FRMD8: variants seen among roughly 807,000 people sequenced by gnomAD.
The protein encoded by FRMD8 is FERM domain-containing protein 8.
Under a neutral mutation model 54.2 loss-of-function variants are expected in FRMD8, and 37 were observed. The ratio of observed to expected loss-of-function variants is 0.68; its 90% CI spans 0.53 to 0.90. FRMD8 has a LOEUF of 0.90. Ranked by LOEUF, FRMD8 falls within the 40% of genes least tolerant of loss-of-function variation. The probability of loss-of-function intolerance (pLI) is 0.00; values close to 1 mark genes in which losing one functional copy is unlikely to be tolerated. For missense variants in FRMD8, 585 were observed against 653.7 expected, an observed-to-expected ratio of 0.89 and a Z score of 1.15; for synonymous variants, 246 against 286.9, an observed-to-expected ratio of 0.86 and a Z score of 1.44.
intron 7 of FRMD8, among the ~76,000 whole-genome samples, chr11:65,398,245 G>A (rs952528892): frequency 1.3e-5 from 2 of 152,280 alleles, no homozygotes; most frequent in African/African-American, 2.4e-5. Flanking sequence ...TGATGCTCCC[G>A]CCTCAGCCTC....
chr11:65,368,590 G>C, the FRMD8 span, among the ~76,000 whole-genome samples: 2 of 151,942 alleles, frequency 1.3e-5, no homozygotes, highest in African/African-American at 4.8e-5. Context: ...TTGAGACGGA[G>C]TCTTGCTCTG....
chr11:65,380,288 T>G, the FRMD8 span: 4 of 1,486,480 alleles, frequency 2.7e-6, no homozygotes, highest in Non-Finnish European at 3.7e-6. Context: ...CAGGGCCATC[T>G]CAGACACATG....
chr11:65,379,062 GCTCCCCACAGCTCT>G, the FRMD8 span: 1 of 366,510 alleles, frequency 2.7e-6, no homozygotes, highest in Non-Finnish European at 5.0e-6. Flanking sequence ...TGGGGAGTGG[GCTCCCCACAGCTCT>G]GAGGCTGGCA....
chr11:65,373,843 C>T, the FRMD8 span, among the ~76,000 whole-genome samples: 37 of 152,218 alleles, frequency 2.4e-4, no homozygotes, highest in Admixed American at 2.1e-3. Context: ...CTGCCTCGGC[C>T]TCCTAAAGTG....
chr11:65,405,796 C>G (rs1482763339), intron 10 of FRMD8, among the ~76,000 whole-genome samples: 1 of 151,928 alleles, frequency 6.6e-6, no homozygotes, highest in East Asian at 1.9e-4. Flanking sequence ...AGCCCAGGAG[C>G]TCAAGACCAG....
the FRMD8 span, chr11:65,376,675 C>A: frequency 1.2e-6 from 2 of 1,613,770 alleles, no homozygotes; most frequent in Non-Finnish European, 1.7e-6. Context: ...CGTGGCTGAG[C>A]CTGGGGCAGA....
chr11:65,394,143 T>C, intron 5 of FRMD8, 44 bp downstream of exon 5: 1 of 1,608,020 alleles, frequency 6.2e-7, no homozygotes, highest in Non-Finnish European at 8.5e-7. Context: ...TGGCCCCTTG[T>C]GCCCAGCCTC....
chr11:65,404,739 T>C lies in FRMD8; in HGVS notation c.1072-125T>C, dbSNP rs1423842621. On this transcript the variant is annotated intron_variant, in intron 9 of 10. Transcript: ENST00000317568. The surrounding 1 kb of genome is among the most constrained non-coding windows in gnomAD (Gnocchi z 4.7). The stretch of plus-strand genomic sequence containing the variant: ...ACACCTCCCCTGCCTCCCTGCTCCC[T>C]CCCTCCTGAGTGATGTGTGTCCCCT... The C allele has an allele frequency of 3.9e-6, 3 of 761,904 alleles. No homozygotes were observed. The East Asian group carries it at 7.9e-5, about 20-fold the overall frequency. The allele number at this position is 761,904 out of a possible 1,614,324, so 47.2% of individuals were successfully genotyped here. A position where few individuals can be genotyped will look rare whatever the true frequency, so the allele number is the denominator to read the frequency against.
rs60061667 is a variant in FRMD8, at chr11:65,395,364, AC to A, written c.581+943del. ...TCAAGACCAGCCTCAACGTGGAGAA[AC>A]CCCGTCTCTACTAAAAATACAAAAT... On this transcript the variant is annotated intron_variant, in intron 6 of 10. Transcript: ENST00000317568. Among the ~76,000 whole-genome samples the A allele has an allele frequency of 2.3e-3, 346 of 151,314 alleles. 2 individuals carry two copies. The highest frequency in any genetic ancestry group is 7.8e-3 in the African/African-American group (322 of 41,124).
intron 2 of FRMD8, among the ~76,000 whole-genome samples, chr11:65,388,314 G>A (rs1224966415): frequency 6.6e-6 from 1 of 152,180 alleles, no homozygotes; most frequent in Non-Finnish European, 1.5e-5. Flanking sequence ...TGCCTGAGAA[G>A]TAGATCTGAA....
the FRMD8 span, chr11:65,379,263 C>A: frequency 1.4e-5 from 18 of 1,273,642 alleles, no homozygotes; most frequent in East Asian, 2.4e-5. Flanking sequence ...TCTTGTTCCC[C>A]TCCAAGAGGC....
intron 10 of FRMD8, among the ~76,000 whole-genome samples, chr11:65,405,770 CAA>C (rs1186115107): frequency 2.0e-5 from 3 of 152,112 alleles, no homozygotes; most frequent in African/African-American, 4.8e-5. Context: ...GAGACCAAGA[CAA>C]AGAGGATCAC....
chr11:65,369,515 G>A, the FRMD8 span, among the ~76,000 whole-genome samples: 1 of 151,762 alleles, frequency 6.6e-6, no homozygotes, highest in Non-Finnish European at 1.5e-5. Flanking sequence ...GATCACCTGA[G>A]GTCAGGAGTT....
the FRMD8 span, chr11:65,380,642 G>T: frequency 7.8e-7 from 1 of 1,285,788 alleles, no homozygotes; most frequent in Admixed American, 2.3e-5. Flanking sequence ...CCTGATGGGG[G>T]TCATGCCTGG....
the FRMD8 span, chr11:65,379,626 C>G: frequency 1.3e-6 from 2 of 1,494,702 alleles, no homozygotes; most frequent in East Asian, 2.3e-5. Context: ...CTCTCCACCC[C>G]TGGCAAGGCA....
In FRMD8 at chr11:65,400,382, T is replaced by C. The variant is rs572239679; in HGVS notation, c.928-342T>C. Reference sequence around the variant, plus strand: ...CCAGCCCCTGCTGCCATCTGTGTCCTGGGAGGCAGGGCCCAGCTCAGCCTC... The same window carrying C: ...CCAGCCCCTGCTGCCATCTGTGTCCCGGGAGGCAGGGCCCAGCTCAGCCTC... On this transcript the variant is annotated intron_variant, in intron 8 of 10. Coordinates refer to ENST00000317568, the MANE Select transcript of FRMD8 (RefSeq NM_031904.5). This position sits in a 1 kb window ranked among gnomAD's most constrained non-coding sequence, Gnocchi z 4.3. Among the ~76,000 whole-genome samples, 9 of 152,246 alleles carry C rather than the reference T, an allele frequency of 5.9e-5. No homozygotes were observed. The South Asian group carries it at 1.7e-3, about 28-fold the overall frequency.
intron 2 of FRMD8, among the ~76,000 whole-genome samples, chr11:65,388,982 C>G (rs1855786397): frequency 6.6e-6 from 1 of 152,170 alleles, no homozygotes; most frequent in South Asian, 2.1e-4. Flanking sequence ...ACATCTGTGG[C>G]ATGTTCTTGT....
At chr11:65,379,394 G>A in the FRMD8 span, 1 of 1,610,814 alleles carries the variant, frequency 6.2e-7, no homozygotes, top group Non-Finnish European at 8.5e-7. Flanking sequence ...ACCCCCCGGT[G>A]CAGCCCGCTA....
At chr11:65,401,590 G>T (rs1856083522) in intron 9 of FRMD8, among the ~76,000 whole-genome samples, 2 of 149,380 alleles carry the variant, frequency 1.3e-5, no homozygotes, top group Admixed American at 6.7e-5. Context: ...CTCCCATGCT[G>T]GGGGCTGCTT....
Sources: allele counts gnomAD v4.1 joint callset (sites outside exome capture counted in the v4.1 genomes callset), GRCh38; gene constraint gnomAD v4.1.1; non-coding constraint Gnocchi (gnomAD v3.1); transcripts MANE v1.5; gene names NCBI Gene and HGNC (gene_info 2026-07-23, HGNC 2026-07-21).